Variants in KLHL8 observed in about 807,000 individuals in gnomAD.
The protein encoded by KLHL8 is kelch like family member 8.
In KLHL8, 38 loss-of-function variants were observed where a neutral mutation model predicts 63.5. The ratio of observed to expected loss-of-function variants is 0.60; its 90% CI spans 0.46 to 0.78. The LOEUF is 0.78. Ranked by LOEUF, KLHL8 falls within the 30% of genes least tolerant of loss-of-function variation. The pLI, the probability that KLHL8 is intolerant of heterozygous loss-of-function variation, is 0.00. For synonymous variants in KLHL8, 224 were observed against 254.3 expected, an observed-to-expected ratio of 0.88 and a Z score of 1.13; for missense variants, 566 against 752.4, an observed-to-expected ratio of 0.75 and a Z score of 2.90.
intron 2 of KLHL8, among the ~76,000 whole-genome samples, chr4:87,192,864 T>C (rs1431605940): frequency 6.6e-6 from 1 of 152,150 alleles, no homozygotes; most frequent in African/African-American, 2.4e-5. Context: ...TATCTAAACA[T>C]ATAAACATAG....
intron 1 of KLHL8, chr4:87,207,988 G>A: frequency 1.3e-6 from 1 of 746,334 alleles, no homozygotes; most frequent in Non-Finnish European, 2.4e-6. Flanking sequence ...GGCTGGCATT[G>A]CCCTCAACAA....
upstream of KLHL8, among the ~76,000 whole-genome samples, chr4:87,224,311 G>T (rs1328770457): frequency 6.6e-6 from 1 of 152,134 alleles, no homozygotes. Context: ...ACCATCAAAA[G>T]AATTTCAGAT....
chr4:87,224,144 C>A (rs1405379396), upstream of KLHL8, among the ~76,000 whole-genome samples: 1 of 152,092 alleles, frequency 6.6e-6, no homozygotes, highest in Non-Finnish European at 1.5e-5. Context: ...TTACTGCAAC[C>A]TCCGTCTCCC....
At chr4:87,207,710 C>A (rs2035404) in intron 1 of KLHL8, 79,074 of 889,460 alleles carry the variant, frequency 0.089, 4,319 homozygotes, top group Non-Finnish European at 0.11. Context: ...ATCATCCCTG[C>A]CTCTACTGGT....
upstream of KLHL8, among the ~76,000 whole-genome samples, chr4:87,223,234 A>T (rs1042942968): frequency 6.6e-6 from 1 of 151,988 alleles, no homozygotes; most frequent in Non-Finnish European, 1.5e-5. Flanking sequence ...TTGGCCTCCC[A>T]AAGTGCTGGG....
intron 1 of KLHL8, chr4:87,207,912 C>G (rs763899596): frequency 8.0e-5 from 106 of 1,329,586 alleles, no homozygotes; most frequent in Middle Eastern, 5.0e-4. Flanking sequence ...TCCTGGGCTA[C>G]ACTGAGCACC....
chr4:87,168,286 A>G (rs1203042577), intron 8 of KLHL8, among the ~76,000 whole-genome samples: 1 of 152,048 alleles, frequency 6.6e-6, no homozygotes, highest in African/African-American at 2.4e-5. Flanking sequence ...TGAGGGAACT[A>G]TGAGGGTTTT....
chr4:87,187,816 A>G (rs1025194452), intron 2 of KLHL8, among the ~76,000 whole-genome samples: 1 of 152,194 alleles, frequency 6.6e-6, no homozygotes, highest in African/African-American at 2.4e-5. Context: ...GGAGTTTATA[A>G]TAATCAAATA....
intron 1 of KLHL8, among the ~76,000 whole-genome samples, chr4:87,205,781 T>C (rs1462328166): frequency 6.6e-6 from 1 of 152,050 alleles, no homozygotes; most frequent in Non-Finnish European, 1.5e-5. Context: ...TTCACTTATT[T>C]TGCCATGCCA....
At chr4:87,232,074 G>A (rs192881459) in intron 1 of KLHL8, among the ~76,000 whole-genome samples, 48 of 152,176 alleles carry the variant, frequency 3.2e-4, no homozygotes, top group African/African-American at 1.1e-3. Flanking sequence ...TGGTATATGA[G>A]GTTAATTATT....
intron 1 of KLHL8, among the ~76,000 whole-genome samples, chr4:87,217,566 G>A (rs1303798422): frequency 6.6e-6 from 1 of 151,714 alleles, no homozygotes; most frequent in Non-Finnish European, 1.5e-5. Flanking sequence ...GGCTGGTCTG[G>A]AACTCCTGGG....
At chr4:87,174,509 C>A (rs1254229183) in intron 6 of KLHL8, among the ~76,000 whole-genome samples, 2 of 152,108 alleles carry the variant, frequency 1.3e-5, no homozygotes, top group Non-Finnish European at 2.9e-5. Context: ...AAACTCCTGA[C>A]CTCAGGTGAT....
chr4:87,170,591 T>G lies in KLHL8; in HGVS notation c.1233A>C (p.Leu411Phe), dbSNP rs994467110. The G allele has an allele frequency of 1.2e-6, 2 of 1,612,122 alleles. No homozygotes were observed. Among genetic ancestry groups the G allele is most frequent in the East Asian group, 2.2e-5 (1 of 44,864 alleles). Reference protein sequence around the residue: ...TKRRGIALASLGGPIYAIGGL... With the variant: ...TKRRGIALASFGGPIYAIGGL... ...CTCCAATTGCATAAATTGGGCCTCC[T>G]AAGGAAGCCAAGGCAATTCCTCGCC... The change falls in exon 7 of 10, where the codon TTA becomes TTC. Residue 411 changes from leucine to phenylalanine, a missense_variant. Coordinates refer to ENST00000273963, the MANE Select transcript of KLHL8 (RefSeq NM_020803.5).
At chr4:87,181,042 A>T (rs1045923781) in intron 4 of KLHL8, among the ~76,000 whole-genome samples, 30 of 152,174 alleles carry the variant, frequency 2.0e-4, no homozygotes, top group East Asian at 9.6e-4. Flanking sequence ...TCTCAAAAAA[A>T]TTTTTTTAAT....
At chr4:87,225,311 C>T (rs756952177), upstream of KLHL8, among the ~76,000 whole-genome samples, 78 of 152,264 alleles carry the variant, frequency 5.1e-4, no homozygotes, top group Non-Finnish European at 9.7e-4. Context: ...TAAAGTAGCA[C>T]TTAGTGAGCA....
At chr4:87,187,387 G>C (rs11931927) in intron 2 of KLHL8, among the ~76,000 whole-genome samples, 22,208 of 148,812 alleles carry the variant, frequency 0.15, 3,483 homozygotes, top group African/African-American at 0.39. Context: ...TGAATAAAAA[G>C]ATCTCATCTT....
chr4:87,232,222 T>G (rs1733148536), intron 1 of KLHL8, among the ~76,000 whole-genome samples: 1 of 152,256 alleles, frequency 6.6e-6, no homozygotes, highest in Non-Finnish European at 1.5e-5. Flanking sequence ...TATTTCTTTG[T>G]AGTTGTACCC....
chr4:87,182,132 G>A (rs1261548267), intron 4 of KLHL8, among the ~76,000 whole-genome samples: 1 of 151,328 alleles, frequency 6.6e-6, no homozygotes, highest in Non-Finnish European at 1.5e-5. Flanking sequence ...AGGAGGCTGA[G>A]GCAGAAGAAT....
rs372584168 is a variant in KLHL8, at chr4:87,195,693, G to A, written c.-151-3C>T. 7 of 557,546 alleles carry A rather than the reference G, an allele frequency of 1.3e-5. No individual in the cohort carries two copies. The highest frequency in any genetic ancestry group is 3.0e-5 in the South Asian group (1 of 33,824). The allele number at this position is 557,546 out of a possible 1,614,324, so 34.5% of individuals were successfully genotyped here. On this transcript the variant is annotated splice_polypyrimidine_tract_variant and splice_region_variant and intron_variant, in intron 1 of 9. Transcript: ENST00000273963. ...TGCCATTGTACAGTTTGCTGTGACT[G>A]AAAAATCAACAATAAAACAGGTAGA...
Sources: gnomAD v4.1 joint callset for allele counts (sites outside exome capture counted in the v4.1 genomes callset) on GRCh38, gnomAD v4.1.1 for gene constraint, MANE v1.5 for transcripts, NCBI Gene and HGNC (gene_info 2026-07-23, HGNC 2026-07-21) for gene names.